BRD1: variants seen among roughly 807,000 people sequenced by gnomAD.
BRD1 encodes the protein bromodomain containing 1.
Under a neutral mutation model 107.7 loss-of-function variants are expected in BRD1, and 24 were observed. That is an observed-to-expected ratio of 0.22 (90% CI 0.16 to 0.31). BRD1 has a LOEUF of 0.31. Among genes scored for constraint, BRD1 ranks in the 10% least tolerant of loss-of-function variants. The pLI is 1.00. For missense variants in BRD1, 1,279 were observed against 1,638.6 expected (o/e 0.78, Z 3.79); for synonymous variants, 744 against 686.1 (o/e 1.08, Z -1.32).
intron 2 of BRD1, chr22:49,817,501 A>G (rs1219040898): frequency 6.5e-6 from 1 of 154,958 alleles, no homozygotes; most frequent in African/African-American, 2.4e-5. Context: ...CAGCTGGTGC[A>G]GCATGTCTGC....
chr22:49,811,691 A>G (rs762759023), intron 2 of BRD1, among the ~76,000 whole-genome samples: 3 of 152,216 alleles, frequency 2.0e-5, no homozygotes, highest in Non-Finnish European at 4.4e-5. Context: ...CTTTCAGACT[A>G]TGGCTGACCA....
In BRD1 at chr22:49,803,078, T is replaced by C. The variant is rs781743747; in HGVS notation, c.1524+1126A>G. 1.3e-5 allele frequency among the ~76,000 whole-genome samples: 2 copies of C among 152,124 alleles called. No homozygotes were observed. The highest frequency in any genetic ancestry group is 2.4e-5 in the African/African-American group (1 of 41,414). ...GACGCACCAAGGCCGTCAGAAAACT[T>C]TGGACCCCACCACACCAAATCAGAC... is the stretch of plus-strand genomic sequence containing the variant. On this transcript the variant is annotated intron_variant, in intron 3 of 12. Transcript: ENST00000404760. This position sits in a 1 kb window ranked among gnomAD's most constrained non-coding sequence, Gnocchi z 4.4.
At position 49,779,463 on chromosome 22, in the gene BRD1, C is replaced by T. The variant is rs528672896; in HGVS notation, c.2858-1650G>A. On this transcript the variant is annotated intron_variant, in intron 8 of 12. Coordinates refer to ENST00000404760, the MANE Select transcript of BRD1 (RefSeq NM_001304808.3). ...ACAGACTCAAGTCAGACACCGGCTC[C>T]GTCTCTCCTGGACTGGAATGTACCG... 3.9e-5 allele frequency among the ~76,000 whole-genome samples: 6 copies of T among 152,330 alleles called. No homozygotes were observed. In the South Asian group the frequency reaches 8.3e-4, roughly 21 times the overall value.
intron 2 of BRD1, among the ~76,000 whole-genome samples, chr22:49,809,048 G>A (rs1036473224): frequency 3.3e-5 from 5 of 151,142 alleles, no homozygotes; most frequent in East Asian, 1.9e-4. Context: ...GAACCCGGGA[G>A]GAAGACATTA....
In BRD1 at chr22:49,778,707, G is replaced by A. The variant is rs927830804; in HGVS notation, c.2858-894C>T. ...GGCGGAGTCTCACTCTGTCGCCCAG[G>A]CTGGAGTGCAGTGGCACGATCTTGG... On this transcript the variant is annotated intron_variant, in intron 8 of 12. Coordinates refer to ENST00000404760, the MANE Select transcript of BRD1 (RefSeq NM_001304808.3). 1.4e-4 allele frequency among the ~76,000 whole-genome samples: 21 copies of A among 152,262 alleles called. 1 individual carries two copies. In the South Asian group the frequency reaches 1.7e-3, roughly 12 times the overall value.
rs529574022 is a variant in BRD1, at chr22:49,774,109, C to G, written c.*124G>C. 1.1e-5 allele frequency: 14 copies of G among 1,329,434 alleles called. No homozygotes were observed. The highest frequency in any genetic ancestry group is 5.2e-5 in the Admixed American group (2 of 38,236). 82.4% of individuals were successfully genotyped at this position (1,329,434 alleles called of 1,614,324 possible). A position where few individuals can be genotyped will look rare whatever the true frequency, so the allele number is the denominator to read the frequency against. Reference sequence around the variant, plus strand: ...AAAACTTGGAAATAAAACCTCCCCCCTCCCCGGGGAAAAAGAATTAAAGAG... The same window carrying G: ...AAAACTTGGAAATAAAACCTCCCCCGTCCCCGGGGAAAAAGAATTAAAGAG... On this transcript the variant is annotated 3_prime_UTR_variant, in exon 13 of 13. Coordinates refer to ENST00000404760, the MANE Select transcript of BRD1 (RefSeq NM_001304808.3).
At chr22:49,788,468 G>A (rs529756713) in intron 7 of BRD1, among the ~76,000 whole-genome samples, 3 of 152,232 alleles carry the variant, frequency 2.0e-5, no homozygotes, top group South Asian at 2.1e-4. Flanking sequence ...TCCGTGCCAC[G>A]TTCCCAAATA....
intron 3 of BRD1, among the ~76,000 whole-genome samples, chr22:49,799,979 C>T (rs1197451832): frequency 6.6e-6 from 1 of 152,164 alleles, no homozygotes; most frequent in African/African-American, 2.4e-5. Flanking sequence ...TGAGTGGGCC[C>T]CCAACACCTG....
chr22:49,785,297 C>T (rs367864315), intron 8 of BRD1, among the ~76,000 whole-genome samples: 2 of 152,258 alleles, frequency 1.3e-5, no homozygotes, highest in Non-Finnish European at 2.9e-5. Flanking sequence ...TGCTGAGTGT[C>T]GACGGGAGGC....
At chr22:49,822,140 G>T (rs185268897) in intron 2 of BRD1, among the ~76,000 whole-genome samples, 1 of 152,196 alleles carries the variant, frequency 6.6e-6, no homozygotes, top group Non-Finnish European at 1.5e-5. Context: ...AAATCTTCAC[G>T]CACGGCTGGG....
chr22:49,775,826 C>CCCCGCAGCTGTGTGAGCCTCCTCAGAA (rs2059078744), intron 11 of BRD1, 81 bp from the exon 12 acceptor site: 3 of 1,185,946 alleles, frequency 2.5e-6, no homozygotes, highest in Non-Finnish European at 3.2e-6. Flanking sequence ...CCCCCCCCCG[C>CCCCGCAGCTGTGTGAGCCTCCTCAGAA]CTCCCCACCC....
chr22:49,774,565 G>A, intron 12 of BRD1, 149 bp from the exon 13 acceptor site: 1 of 877,170 alleles, frequency 1.1e-6, no homozygotes, highest in East Asian at 2.6e-5. Flanking sequence ...TGCAGGGACA[G>A]GCCCGAGGCC....
intron 7 of BRD1, among the ~76,000 whole-genome samples, chr22:49,788,824 C>T (rs1485856992): frequency 6.6e-6 from 1 of 152,168 alleles, no homozygotes; most frequent in African/African-American, 2.4e-5. Flanking sequence ...TTTAAAGTGA[C>T]ATAAAACACT....
intron 3 of BRD1, 28 bp from the exon 4 acceptor site, chr22:49,799,147 C>A: frequency 2.5e-6 from 4 of 1,594,904 alleles, no homozygotes; most frequent in South Asian, 1.1e-5. Context: ...TTCCGTCAGT[C>A]AAACCCAGAG....
chr22:49,816,483 C>T (rs2059954707), intron 2 of BRD1, among the ~76,000 whole-genome samples: 1 of 152,158 alleles, frequency 6.6e-6, no homozygotes, highest in African/African-American at 2.4e-5. Context: ...AGGTCAACAG[C>T]CTGGGGCTGC....
intron 7 of BRD1, 87 bp downstream of exon 7, chr22:49,793,947 C>T: frequency 2.0e-6 from 3 of 1,514,076 alleles, no homozygotes; most frequent in Non-Finnish European, 2.6e-6. Flanking sequence ...ACCAACGCTG[C>T]TGCCCGTGTC....
At chr22:49,776,215 C>T (rs988294810) in intron 10 of BRD1, 56 bp from the exon 11 acceptor site, 8 of 1,483,992 alleles carry the variant, frequency 5.4e-6, no homozygotes, top group African/African-American at 2.8e-5. Context: ...GGGCACGCCC[C>T]GCCCCCCCAC....
In BRD1 at chr22:49,803,159, C is replaced by A. The variant is rs1166046292; in HGVS notation, c.1524+1045G>T. On this transcript the variant is annotated intron_variant, in intron 3 of 12. Transcript: ENST00000404760. This position sits in a 1 kb window ranked among gnomAD's most constrained non-coding sequence, Gnocchi z 4.4. ...CCAGACTCTGTAGTTCCCTGGAGCA[C>A]AAGGCAGCCACGGCAGGTGACTGAA... 6.6e-6 allele frequency among the ~76,000 whole-genome samples: 1 copy of A among 152,244 alleles called. No individual in the cohort carries two copies. Among genetic ancestry groups the A allele is most frequent in the African/African-American group, 2.4e-5 (1 of 41,466 alleles).
At chr22:49,777,444 A>T (rs1200434689) in intron 9 of BRD1, among the ~76,000 whole-genome samples, 2 of 152,214 alleles carry the variant, frequency 1.3e-5, no homozygotes, top group African/African-American at 4.8e-5. Context: ...CAGATTCTAA[A>T]ATTGTGTTCC....
Sources: allele counts gnomAD v4.1 joint callset (sites outside exome capture counted in the v4.1 genomes callset), GRCh38; gene constraint gnomAD v4.1.1; non-coding constraint Gnocchi (gnomAD v3.1); transcripts MANE v1.5; gene names NCBI Gene and HGNC (gene_info 2026-07-23, HGNC 2026-07-21).